Variants in ANO6 observed in about 807,000 individuals in gnomAD.
ANO6 encodes the protein anoctamin 6, also known as anoctamin-6.
In ANO6, 106 loss-of-function variants were observed where a neutral mutation model predicts 117.5. That is an observed-to-expected ratio of 0.90 (90% CI 0.77 to 1.06). The LOEUF is 1.06. ANO6 is among the 50% of genes least tolerant of loss of function. ANO6 has a pLI of 0.00. For synonymous variants in ANO6, 367 were observed against 385.1 expected, an observed-to-expected ratio of 0.95 and a Z score of 0.55; for missense variants, 955 against 1,121.1, an observed-to-expected ratio of 0.85 and a Z score of 2.12.
At chr12:45,257,339 T>G (rs1027500572) in intron 1 of ANO6, among the ~76,000 whole-genome samples, 7 of 152,206 alleles carry the variant, frequency 4.6e-5, no homozygotes, top group Non-Finnish European at 1.0e-4. Flanking sequence ...CCTTGCTCAT[T>G]GTTAACCCCA....
chr12:45,382,043 CA>C (rs1942182360), intron 10 of ANO6, among the ~76,000 whole-genome samples: 1 of 152,044 alleles, frequency 6.6e-6, no homozygotes, highest in African/African-American at 2.4e-5. Flanking sequence ...CAGAAAGTGA[CA>C]AGCATAGAAT....
intron 2 of ANO6, among the ~76,000 whole-genome samples, chr12:45,328,956 G>A (rs1199404536): frequency 3.3e-5 from 5 of 152,132 alleles, no homozygotes; most frequent in African/African-American, 1.2e-4. Flanking sequence ...TAGGCGTAAA[G>A]GTTGAGAGAC....
At chr12:45,328,891 CGTAGT>C (rs1940567393) in intron 2 of ANO6, among the ~76,000 whole-genome samples, 1 of 152,054 alleles carries the variant, frequency 6.6e-6, no homozygotes, top group African/African-American at 2.4e-5. Context: ...ACTTACTTTT[CGTAGT>C]GTAATTCTTC....
Position 45,408,346 on chromosome 12 carries a change from G to A in ANO6, c.1881-1011G>A, listed in dbSNP as rs909348901. 3.9e-5 allele frequency among the ~76,000 whole-genome samples: 6 copies of A among 152,158 alleles called. No homozygotes were observed. In the South Asian group the frequency reaches 1.0e-3, roughly 26 times the overall value. On this transcript the variant is annotated intron_variant, in intron 15 of 19. Transcript: ENST00000320560. The stretch of plus-strand genomic sequence containing the variant: ...CCACAAGCTGGCAGTTGCTTGAGGG[G>A]ACAACAGTTCTCTATGCCACAGGTG...
chr12:45,280,887 G>T (rs1251022995), intron 1 of ANO6, among the ~76,000 whole-genome samples: 14 of 151,912 alleles, frequency 9.2e-5, no homozygotes, highest in African/African-American at 3.1e-4. Context: ...TATAGAGAGA[G>T]AGAGAGAGAA....
intron 1 of ANO6, among the ~76,000 whole-genome samples, chr12:45,281,329 C>G (rs1450301185): frequency 1.3e-5 from 2 of 152,004 alleles, no homozygotes; most frequent in African/African-American, 2.4e-5. Context: ...TTATTTTTTC[C>G]CATGTTATTC....
intron 4 of ANO6, among the ~76,000 whole-genome samples, chr12:45,347,748 TAGAC>T (rs1251692058): frequency 1.3e-5 from 2 of 152,244 alleles, no homozygotes. Flanking sequence ...GGTAGAGTGA[TAGAC>T]AAATAAGTTT....
At chr12:45,384,775 A>G (rs939437094) in intron 10 of ANO6, among the ~76,000 whole-genome samples, 2 of 152,222 alleles carry the variant, frequency 1.3e-5, no homozygotes, top group East Asian at 3.8e-4. Flanking sequence ...GAAATGTGAG[A>G]ATTACTAAAA....
At chr12:45,277,819 C>T (rs1035880765) in intron 1 of ANO6, among the ~76,000 whole-genome samples, 7 of 152,178 alleles carry the variant, frequency 4.6e-5, no homozygotes, top group East Asian at 1.9e-4. Flanking sequence ...AAAACTTTTC[C>T]GCTCTGGAAT....
chr12:45,371,322 A>G (rs956759607), intron 9 of ANO6, among the ~76,000 whole-genome samples: 2 of 152,244 alleles, frequency 1.3e-5, no homozygotes, highest in East Asian at 1.9e-4. Flanking sequence ...TTAGGTAAAC[A>G]AAGCAGCCAG....
At chr12:45,418,426 C>A (rs1943268806) in intron 17 of ANO6, among the ~76,000 whole-genome samples, 1 of 152,186 alleles carries the variant, frequency 6.6e-6, no homozygotes, top group South Asian at 2.1e-4. Flanking sequence ...AGAAAAATGG[C>A]AGTGAGGCCT....
chr12:45,292,586 A>G, intron 1 of ANO6: 1 of 984,576 alleles, frequency 1.0e-6, no homozygotes, highest in Non-Finnish European at 1.2e-6. Flanking sequence ...GCATTAGGTA[A>G]TCCAGTTGTG....
At chr12:45,393,980 A>G (rs955465028) in intron 12 of ANO6, among the ~76,000 whole-genome samples, 9 of 152,234 alleles carry the variant, frequency 5.9e-5, no homozygotes, top group Non-Finnish European at 1.2e-4. Flanking sequence ...GACAGGATCA[A>G]ATTCACACAT....
intron 1 of ANO6, among the ~76,000 whole-genome samples, chr12:45,293,593 G>A (rs1446209316): frequency 2.0e-5 from 3 of 151,670 alleles, no homozygotes; most frequent in African/African-American, 4.8e-5. Flanking sequence ...AGACAGTCTC[G>A]CTCTGTTGCC....
At chr12:45,424,765 G>T (rs2137717046) in intron 19 of ANO6, among the ~76,000 whole-genome samples, 1 of 152,232 alleles carries the variant, frequency 6.6e-6, no homozygotes, top group South Asian at 2.1e-4. Flanking sequence ...TGGGTCAGAA[G>T]GGAGGTGGAA....
intron 1 of ANO6, among the ~76,000 whole-genome samples, chr12:45,220,434 T>C (rs889281933): frequency 6.6e-6 from 1 of 152,226 alleles, no homozygotes; most frequent in African/African-American, 2.4e-5. Flanking sequence ...CCCACCTCTC[T>C]TTCCTTATTA....
intron 12 of ANO6, 35 bp from the exon 13 acceptor site, chr12:45,401,760 T>G: frequency 2.0e-5 from 30 of 1,537,062 alleles, no homozygotes; most frequent in African/African-American, 4.1e-5. Context: ...CAGTTATTGG[T>G]GAGTCTCATG....
chr12:45,245,679 G>A (rs1385971365), intron 1 of ANO6, among the ~76,000 whole-genome samples: 1 of 151,936 alleles, frequency 6.6e-6, no homozygotes, highest in African/African-American at 2.4e-5. Context: ...AGCTTTCTGA[G>A]CCTTTGTTTT....
rs564187327 is a variant in ANO6, at chr12:45,266,383, T to C, written c.71-35631T>C. Among the ~76,000 whole-genome samples, 9 of 152,310 alleles carry C rather than the reference T, an allele frequency of 5.9e-5. No individual in the cohort carries two copies. In the East Asian group the frequency reaches 1.5e-3, roughly 26 times the overall value. On this transcript the variant is annotated intron_variant, in intron 1 of 19. Coordinates refer to ENST00000320560, the MANE Select transcript of ANO6 (RefSeq NM_001025356.3). ...ACCATACTTTTAAAAATATATTGCA[T>C]TGTGGTCTGAGACCGTATGTATTAA...
Sources: gnomAD v4.1 joint callset for allele counts (sites outside exome capture counted in the v4.1 genomes callset) on GRCh38, gnomAD v4.1.1 for gene constraint, MANE v1.5 for transcripts, NCBI Gene and HGNC (gene_info 2026-07-23, HGNC 2026-07-21) for gene names.